Variants in IP6K3 observed in about 807,000 individuals in gnomAD.
IP6K3 encodes inositol hexakisphosphate kinase 3.
In IP6K3, 20 loss-of-function variants were observed where a neutral mutation model predicts 28.8. That is an observed-to-expected ratio of 0.70 (90% confidence interval 0.49 to 1.01). IP6K3 has a LOEUF of 1.01. Among genes scored for constraint, IP6K3 ranks in the 50% least tolerant of loss-of-function variants. The probability of loss-of-function intolerance (pLI) is 0.00; values close to 1 mark genes in which losing one functional copy is unlikely to be tolerated. For missense variants in IP6K3, 480 were observed against 537.1 expected (o/e 0.89, Z 1.05); for synonymous variants, 213 against 221.3 (o/e 0.96, Z 0.33).
At chr6:33,745,882 C>T (rs879541770) in intron 1 of IP6K3, among the ~76,000 whole-genome samples, 1 of 152,098 alleles carries the variant, frequency 6.6e-6, no homozygotes, top group Non-Finnish European at 1.5e-5. Context: ...TGAAATCAGG[C>T]GCAGGATGTA....
At chr6:33,748,166 G>A (rs761114933), upstream of IP6K3, among the ~76,000 whole-genome samples, 4 of 152,008 alleles carry the variant, frequency 2.6e-5, no homozygotes, top group Admixed American at 6.6e-5. Context: ...TGCTCCACTC[G>A]GGCCCAGGTT....
At chr6:33,738,702 C>T (rs9469578) in intron 1 of IP6K3, among the ~76,000 whole-genome samples, 16,438 of 152,148 alleles carry the variant, frequency 0.11, 1,155 homozygotes, top group African/African-American at 0.19. Context: ...GTGTGCGTCC[C>T]GGCCACACTG....
chr6:33,752,828 A>C, the IP6K3 span, among the ~76,000 whole-genome samples: 1 of 152,232 alleles, frequency 6.6e-6, no homozygotes, highest in African/African-American at 2.4e-5. Flanking sequence ...TTATCTGTAA[A>C]ATGGGGATAA....
chr6:33,759,829 C>T, the IP6K3 span, among the ~76,000 whole-genome samples: 6 of 151,426 alleles, frequency 4.0e-5, no homozygotes, highest in South Asian at 4.2e-4. Flanking sequence ...GCCAAGATTG[C>T]GCCACTGAAC....
In IP6K3 at chr6:33,744,979, G is replaced by A. The variant is rs1766854052; in HGVS notation, c.-180+1779C>T. 6.6e-6 allele frequency among the ~76,000 whole-genome samples: 1 copy of A among 152,246 alleles called. No homozygotes were observed. The highest frequency in any genetic ancestry group is 2.1e-4 in the South Asian group (1 of 4,836). ...CACCCCATCTGTCCATCCCGCCCAG[G>A]CTGTGGCACCCTGGTGGGTGGGTGA... On this transcript the variant is annotated intron_variant, in intron 1 of 5. Transcript: ENST00000293756. The surrounding 1 kb of genome is among the most constrained non-coding windows in gnomAD (Gnocchi z 4.4).
intron 2 of IP6K3, 55 bp from the exon 3 acceptor site, chr6:33,728,355 G>C: frequency 6.7e-7 from 1 of 1,501,368 alleles, no homozygotes; most frequent in East Asian, 2.3e-5. Context: ...GCCTCCACAC[G>C]GACATGCAGG....
Position 33,722,858 on chromosome 6 carries a change from G to T in IP6K3, c.1095C>A (p.Ile365=). ...TGGTATGAGCAAAGTCAATCATGCGGATGTCAACCTTGGTGAGACCACCGG... is the reference window on the plus strand; with the variant it reads ...TGGTATGAGCAAAGTCAATCATGCGTATGTCAACCTTGGTGAGACCACCGG... ...SSPGGLTKVD[I]RMIDFAHTTY... is the part of the protein sequence containing the mutation. Residue 365 remains isoleucine, a synonymous_variant, in exon 6 of 6, where the codon ATC becomes ATA. Coordinates refer to ENST00000293756, the MANE Select transcript of IP6K3 (RefSeq NM_054111.5). 3.1e-6 allele frequency: 5 copies of T among 1,613,868 alleles called. No individual in the cohort carries two copies. Among genetic ancestry groups the T allele is most frequent in the Non-Finnish European group, 4.2e-6 (5 of 1,179,782 alleles).
At chr6:33,728,444 CTA>C in intron 2 of IP6K3, 144 bp from the exon 3 acceptor site, 5 of 752,924 alleles carry the variant, frequency 6.6e-6, no homozygotes, top group Non-Finnish European at 1.1e-5. Flanking sequence ...CAAGGAAGAG[CTA>C]TGGGACTGGC....
At chr6:33,743,214 T>C (rs1766788972) in intron 1 of IP6K3, among the ~76,000 whole-genome samples, 1 of 152,108 alleles carries the variant, frequency 6.6e-6, no homozygotes, top group Non-Finnish European at 1.5e-5. Context: ...TCCCGATAAA[T>C]CTTAGGTGGT....
At chr6:33,728,366 A>G (rs1374713546) in intron 2 of IP6K3, 66 bp from the exon 3 acceptor site, 1 of 1,435,800 alleles carries the variant, frequency 7.0e-7, no homozygotes, top group African/African-American at 1.4e-5. Flanking sequence ...GACATGCAGG[A>G]GTGATGACGA....
rs1400187725 is a variant in IP6K3, at chr6:33,744,530, G to A, written c.-180+2228C>T. 6.6e-6 allele frequency among the ~76,000 whole-genome samples: 1 copy of A among 152,168 alleles called. No homozygotes were observed. Among genetic ancestry groups the A allele is most frequent in the Non-Finnish European group, 1.5e-5 (1 of 68,032 alleles). On this transcript the variant is annotated intron_variant, in intron 1 of 5. Transcript: ENST00000293756. The surrounding 1 kb of genome is among the most constrained non-coding windows in gnomAD (Gnocchi z 4.4). ...TGAATGCTTGTGCGTGTGTGGGAGT[G>A]TGTGGCTGAGGGAGAATGCAGGCAA...
At chr6:33,753,919 C>G in the IP6K3 span, among the ~76,000 whole-genome samples, 2 of 152,164 alleles carry the variant, frequency 1.3e-5, no homozygotes, top group Non-Finnish European at 2.9e-5. Flanking sequence ...CGCCATTCTC[C>G]TGCCTCAGCC....
At chr6:33,727,641 CT>C (rs1442717593) in intron 3 of IP6K3, among the ~76,000 whole-genome samples, 3 of 152,176 alleles carry the variant, frequency 2.0e-5, no homozygotes, top group African/African-American at 7.2e-5. Flanking sequence ...CAGGGACCCT[CT>C]GAGCACCACA....
intron 1 of IP6K3, among the ~76,000 whole-genome samples, chr6:33,745,080 C>G (rs1766857404): frequency 6.6e-6 from 1 of 152,264 alleles, no homozygotes; most frequent in Non-Finnish European, 1.5e-5. Flanking sequence ...CACACTGCAA[C>G]TGCAGCCCGC....
chr6:33,758,864 G>T, the IP6K3 span, among the ~76,000 whole-genome samples: 607 of 152,292 alleles, frequency 4.0e-3, 7 homozygotes, highest in African/African-American at 0.013. Context: ...CTCCCAAAGT[G>T]CTGGGATTAC....
At chr6:33,724,721 C>T (rs182121779) in intron 5 of IP6K3, among the ~76,000 whole-genome samples, 28 of 152,250 alleles carry the variant, frequency 1.8e-4, no homozygotes, top group Admixed American at 5.9e-4. Context: ...GAGAATTCAG[C>T]TTTATCATTC....
rs34431226 is a variant in IP6K3 at position 33,735,299 on chromosome 6, G to A, written c.178C>T (p.Arg60Trp). Residue 60 changes from arginine to tryptophan, a missense_variant, in exon 2 of 6, where the codon CGG becomes TGG. Arg to Trp is a moderately radical substitution (Grantham distance 101). Coordinates refer to ENST00000293756, the MANE Select transcript of IP6K3 (RefSeq NM_054111.5). ...FYESLPLAMKRFTPQYKGTVT... is the reference protein window; with the variant it reads ...FYESLPLAMKWFTPQYKGTVT... ...TCACCTTTGTACTGTGGGGTGAACC[G>A]CTTCATGGCCAGCGGCAGGGATTCA... The A allele has an allele frequency of 1.2e-3, 1,910 of 1,612,158 alleles. 17 individuals are homozygous for A. In the African/African-American group the frequency reaches 0.022, roughly 19 times the overall value.
At chr6:33,758,667 T>C in the IP6K3 span, among the ~76,000 whole-genome samples, 1 of 152,190 alleles carries the variant, frequency 6.6e-6, no homozygotes, top group East Asian at 1.9e-4. Context: ...TGGCGCGAAC[T>C]TGGCTAACTG....
rs57967153 is a variant in IP6K3 at position 33,739,971 on chromosome 6, C to G, written c.-179-4316G>C. 7.3e-3 allele frequency among the ~76,000 whole-genome samples: 1,115 copies of G among 152,364 alleles called. 74 individuals are homozygous for G. The East Asian group carries it at 0.16, about 22-fold the overall frequency. On this transcript the variant is annotated intron_variant, in intron 1 of 5. Transcript: ENST00000293756. ...GTGGAGTCCTCCTTCCAAGCATTGC[C>G]ACCACGCAGGGTCTGTCACTGCCTG...
Sources: allele counts gnomAD v4.1 joint callset (sites outside exome capture counted in the v4.1 genomes callset), GRCh38; gene constraint gnomAD v4.1.1; non-coding constraint Gnocchi (gnomAD v3.1); transcripts MANE v1.5; gene names NCBI Gene and HGNC (gene_info 2026-07-23, HGNC 2026-07-21).